ADAM22: variants seen among roughly 807,000 people sequenced by gnomAD.
ADAM22 encodes the protein ADAM metallopeptidase domain 22.
Under a neutral mutation model 144.6 loss-of-function variants are expected in ADAM22, and 65 were observed. The observed-to-expected ratio is 0.45, with a 90% CI of 0.37 to 0.55. The LOEUF (loss-of-function observed/expected upper bound fraction) is 0.55, where lower values mean the gene tolerates loss of function less well. Among genes scored for constraint, ADAM22 ranks in the 20% least tolerant of loss-of-function variants. ADAM22 has a pLI of 0.00. For missense variants in ADAM22, 974 were observed against 1,184.9 expected, an observed-to-expected ratio of 0.82 and a Z score of 2.61; for synonymous variants, 391 against 412.6, an observed-to-expected ratio of 0.95 and a Z score of 0.63.
chr7:88,010,912 A>C (rs1014379322), intron 3 of ADAM22, among the ~76,000 whole-genome samples: 2 of 152,214 alleles, frequency 1.3e-5, no homozygotes, highest in Non-Finnish European at 2.9e-5. Flanking sequence ...CCCATTTTGA[A>C]GATAATTTAG....
rs1000862268 is a variant in ADAM22 at position 88,007,431 on chromosome 7, G to A, written c.323+29019G>A. The stretch of plus-strand genomic sequence containing the variant: ...TTCATATGGAACCAAAAAAGAGCCC[G>A]CATTGCCAAGTCAATCCTAAGCCAA... On this transcript the variant is annotated intron_variant, in intron 3 of 31. Transcript: ENST00000413139. Among the ~76,000 whole-genome samples, 55 of 152,036 alleles carry A rather than the reference G, an allele frequency of 3.6e-4. 1 individual carries two copies. Among genetic ancestry groups the A allele is most frequent in the Non-Finnish European group, 5.7e-4 (39 of 68,008 alleles).
At chr7:88,053,698 T>C (rs1237422446) in intron 3 of ADAM22, among the ~76,000 whole-genome samples, 1 of 152,156 alleles carries the variant, frequency 6.6e-6, no homozygotes, top group East Asian at 1.9e-4. Context: ...TTAGAGCTAA[T>C]TCCATACTAA....
At chr7:88,061,610 C>A (rs1809876391) in intron 3 of ADAM22, among the ~76,000 whole-genome samples, 1 of 152,048 alleles carries the variant, frequency 6.6e-6, no homozygotes, top group African/African-American at 2.4e-5. Context: ...TTTTCCTGAG[C>A]AGTAGATCTC....
At chr7:88,083,281 T>A (rs571891724) in intron 4 of ADAM22, among the ~76,000 whole-genome samples, 3 of 151,792 alleles carry the variant, frequency 2.0e-5, no homozygotes, top group African/African-American at 7.3e-5. Context: ...AGGTGAGAAT[T>A]GAACAGTGAG....
chr7:88,181,519 C>T lies in ADAM22; in HGVS notation c.2510C>T (p.Ser837Phe). The change falls in exon 28 of 32, where the codon TCT (serine) becomes TTT (phenylalanine). Residue 837 changes from serine (S) to phenylalanine (F), a missense_variant. Transcript: ENST00000413139. ...TTCAATTTCAGGTCAAATGGGCTCT[C>T]TCATTCTTGGAGTGAAAGGATTCCA... ...SLFCSRSNGL[S>F]HSWSERIPDT... 2 of 1,613,580 alleles carry T rather than the reference C, an allele frequency of 1.2e-6. No homozygotes were observed. The highest frequency in any genetic ancestry group is 1.7e-6 in the Non-Finnish European group (2 of 1,179,702).
At chr7:88,018,176 TA>T (rs1432483466) in intron 3 of ADAM22, among the ~76,000 whole-genome samples, 1 of 152,210 alleles carries the variant, frequency 6.6e-6, no homozygotes, top group African/African-American at 2.4e-5. Flanking sequence ...GTAGATTATC[TA>T]AACAATATTG....
intron 2 of ADAM22, among the ~76,000 whole-genome samples, chr7:87,957,337 A>T (rs1377265863): frequency 6.6e-6 from 1 of 152,198 alleles, no homozygotes; most frequent in African/African-American, 2.4e-5. Context: ...CAGTTTGTTT[A>T]ATATAAAAAG....
chr7:87,980,435 C>T (rs1232905293), intron 3 of ADAM22, among the ~76,000 whole-genome samples: 1 of 151,694 alleles, frequency 6.6e-6, no homozygotes, highest in Non-Finnish European at 1.5e-5. Flanking sequence ...TGTGTATTGT[C>T]TTAAGTTGGT....
Position 88,151,038 on chromosome 7 carries a change from C to T in ADAM22, c.1617+7C>T. ...TTCATGTGATGGTGTTCAGGTAGGT[C>T]ACTTCATTTTTACCTATGTTTTTCA... On this transcript the variant is annotated splice_region_variant and intron_variant, in intron 19 of 31. Coordinates refer to ENST00000413139, the MANE Select transcript of ADAM22 (RefSeq NM_001324418.2). The T allele has an allele frequency of 6.2e-7, 1 of 1,612,694 alleles. No homozygotes were observed. The highest frequency in any genetic ancestry group is 1.1e-5 in the South Asian group (1 of 90,970).
intron 3 of ADAM22, among the ~76,000 whole-genome samples, chr7:87,990,101 TAC>T (rs1789433800): frequency 6.6e-6 from 1 of 152,028 alleles, no homozygotes; most frequent in Non-Finnish European, 1.5e-5. Context: ...GTATATAGAG[TAC>T]ACTTGATGTA....
At chr7:87,960,987 A>G (rs2129445212) in intron 2 of ADAM22, among the ~76,000 whole-genome samples, 1 of 152,348 alleles carries the variant, frequency 6.6e-6, no homozygotes, top group Admixed American at 6.5e-5. Context: ...GCACATAGAC[A>G]AAAATATAGT....
chr7:88,187,104 T>A (rs1053627888), intron 30 of ADAM22, among the ~76,000 whole-genome samples: 21 of 152,158 alleles, frequency 1.4e-4, no homozygotes, highest in East Asian at 7.7e-4. Flanking sequence ...TGCCTAAGAG[T>A]GCATAGTGCA....
intron 5 of ADAM22, among the ~76,000 whole-genome samples, chr7:88,114,363 G>C (rs947918331): frequency 3.9e-5 from 6 of 152,150 alleles, no homozygotes; most frequent in African/African-American, 1.4e-4. Context: ...GCAATCCTGA[G>C]CATGGGGTCA....
At chr7:87,976,241 C>T (rs571367301) in intron 2 of ADAM22, among the ~76,000 whole-genome samples, 2 of 152,248 alleles carry the variant, frequency 1.3e-5, no homozygotes, top group African/African-American at 4.8e-5. Context: ...GAATTATGCC[C>T]TCCCCACATT....
At chr7:88,148,393 C>T (rs1837224045) in intron 17 of ADAM22, among the ~76,000 whole-genome samples, 1 of 151,974 alleles carries the variant, frequency 6.6e-6, no homozygotes, top group African/African-American at 2.4e-5. Flanking sequence ...CTCACACTTG[C>T]AAGAAGTATT....
At chr7:88,039,464 A>AAAAAAAAAATATATATATATATATAT in intron 3 of ADAM22, among the ~76,000 whole-genome samples, 1 of 76,376 alleles carries the variant, frequency 1.3e-5, no homozygotes, top group African/African-American at 4.7e-5. Context: ...AAAAAAAAAA[A>AAAAAAAAAATATATATATATATATAT]ATATATATAT....
intron 3 of ADAM22, among the ~76,000 whole-genome samples, chr7:88,038,995 G>T (rs574909787): frequency 4.4e-4 from 67 of 151,784 alleles, no homozygotes; most frequent in African/African-American, 1.6e-3. Flanking sequence ...TGCCCAGGCT[G>T]GTCTCAGACT....
At chr7:87,967,504 A>T (rs1055229428) in intron 2 of ADAM22, among the ~76,000 whole-genome samples, 1 of 151,986 alleles carries the variant, frequency 6.6e-6, no homozygotes, top group Non-Finnish European at 1.5e-5. Flanking sequence ...GCTCCTTTTC[A>T]TGCCTCATTT....
At chr7:88,173,834 A>G (rs537553671) in intron 26 of ADAM22, among the ~76,000 whole-genome samples, 29 of 152,118 alleles carry the variant, frequency 1.9e-4, no homozygotes, top group Non-Finnish European at 3.5e-4. Flanking sequence ...GTAAAGCATT[A>G]TGGTGACGGG....
Sources: gnomAD v4.1 joint callset for allele counts (sites outside exome capture counted in the v4.1 genomes callset) on GRCh38, gnomAD v4.1.1 for gene constraint, MANE v1.5 for transcripts, NCBI Gene and HGNC (gene_info 2026-07-23, HGNC 2026-07-21) for gene names.